DDX59: variants seen among roughly 807,000 people sequenced by gnomAD.
The protein encoded by DDX59 is probable ATP-dependent RNA helicase DDX59.
Under a neutral mutation model 51.9 loss-of-function variants are expected in DDX59, and 30 were observed. The observed-to-expected ratio is 0.58, with a 90% confidence interval of 0.43 to 0.78. The LOEUF is 0.78. Among genes scored for constraint, DDX59 ranks in the 30% least tolerant of loss-of-function variants. The pLI is 0.00. For missense variants in DDX59, 672 were observed against 730.8 expected (o/e 0.92, Z 0.93); for synonymous variants, 255 against 253.3 (o/e 1.01, Z -0.06).
In DDX59 at chr1:200,666,073, T is replaced by C. The variant is rs915073328; in HGVS notation, c.668A>G (p.Tyr223Cys). The change falls in exon 2 of 8, where the codon TAT (tyrosine) becomes TGT (cysteine). Residue 223 changes from tyrosine (Y) to cysteine (C), a missense_variant. Transcript: ENST00000331314. ...VLNHNLKKSG[Y>C]EVPTPIQMQM... Reference sequence around the variant, plus strand: ...CATTTGAATGGGAGTTGGCACCTCATAGCCTGATTTCTTCAAGTTGTGATT... The same window carrying C: ...CATTTGAATGGGAGTTGGCACCTCACAGCCTGATTTCTTCAAGTTGTGATT... The C allele has an allele frequency of 1.6e-5, 26 of 1,614,094 alleles. No individual in the cohort carries two copies. The highest frequency in any genetic ancestry group is 4.0e-5 in the African/African-American group (3 of 74,938).
At position 200,666,601 on chromosome 1, in the gene DDX59, G is replaced by C; in HGVS notation, c.140C>G (p.Thr47Arg). ...GTGCCTGTCTATTGTGGCTGCTTCT[G>C]TAGCTACAGCATCAACGGGAACATC... Reference protein sequence around the residue: ...SRDVPVDAVATEAATIDRHIS... With the variant: ...SRDVPVDAVAREAATIDRHIS... The change falls in exon 2 of 8, where the codon ACA (threonine) becomes AGA (arginine). Residue 47 changes from threonine to arginine, a missense_variant. Physicochemically the swap from Thr to Arg is moderately conservative, Grantham distance 71. Transcript: ENST00000331314. The C allele has an allele frequency of 6.2e-7, 1 of 1,614,202 alleles. No homozygotes were observed. Among genetic ancestry groups the C allele is most frequent in the East Asian group, 2.2e-5 (1 of 44,888 alleles).
chr1:200,650,749 A>G lies in DDX59; in HGVS notation c.1063-73T>C, dbSNP rs906718122. The G allele has an allele frequency of 8.5e-6, 11 of 1,297,722 alleles. No homozygotes were observed. The African/African-American group carries it at 1.3e-4, about 16-fold the overall frequency. 80.4% of individuals were successfully genotyped at this position (1,297,722 alleles called of 1,614,324 possible). A position where few individuals can be genotyped will look rare whatever the true frequency, so the allele number is the denominator to read the frequency against. ...AGAACCACCCCCAAAAAAGACTGAT[A>G]TAATTAACAATATAAAAATTAAAAA... On this transcript the variant is annotated intron_variant, in intron 4 of 7. Coordinates refer to ENST00000331314, the MANE Select transcript of DDX59 (RefSeq NM_001031725.6).
At chr1:200,641,362 T>A, downstream of DDX59, 2 of 400,922 alleles carry the variant, frequency 5.0e-6, no homozygotes, top group Non-Finnish European at 8.4e-6. Context: ...TATGTGGCAA[T>A]GATCTTTGTA....
intron 3 of DDX59, 86 bp downstream of exon 3, chr1:200,663,833 T>C: frequency 7.5e-7 from 1 of 1,333,184 alleles, no homozygotes; most frequent in Non-Finnish European, 9.8e-7. Context: ...ATCATACTTT[T>C]AAAAATTCTT....
chr1:200,665,872 A>G (rs1662692105), intron 2 of DDX59, 65 bp downstream of exon 2: 1 of 1,485,984 alleles, frequency 6.7e-7, no homozygotes, highest in Non-Finnish European at 9.0e-7. Flanking sequence ...GTTAAAAATG[A>G]AACTTGGTAA....
At chr1:200,659,183 T>A (rs1022714897) in intron 3 of DDX59, 67 bp from the exon 4 acceptor site, 2 of 1,249,828 alleles carry the variant, frequency 1.6e-6, no homozygotes, top group African/African-American at 3.0e-5. Context: ...TCATTCCATA[T>A]TGATTGAGCA....
At chr1:200,643,473 C>T (rs926728959), downstream of DDX59, among the ~76,000 whole-genome samples, 1 of 151,762 alleles carries the variant, frequency 6.6e-6, no homozygotes, top group East Asian at 2.0e-4. Flanking sequence ...GAAACCCCAT[C>T]TCTACTAAAA....
At chr1:200,662,055 T>C (rs918757410) in intron 3 of DDX59, among the ~76,000 whole-genome samples, 1 of 152,214 alleles carries the variant, frequency 6.6e-6, no homozygotes, top group Non-Finnish European at 1.5e-5. Context: ...CCTTCTGCCA[T>C]GATTGGAAGC....
intron 7 of DDX59, among the ~76,000 whole-genome samples, chr1:200,646,897 T>TA (rs1661327900): frequency 6.6e-6 from 1 of 152,208 alleles, no homozygotes; most frequent in Admixed American, 6.5e-5. Context: ...ATCTACACGA[T>TA]AAATTTTTTT....
At chr1:200,667,418 T>C (rs928926977) in intron 1 of DDX59, among the ~76,000 whole-genome samples, 5 of 152,136 alleles carry the variant, frequency 3.3e-5, no homozygotes, top group Non-Finnish European at 4.4e-5. Flanking sequence ...CTGAAAGGAA[T>C]AGTGAGGACA....
At chr1:200,661,941 C>T (rs1370735869) in intron 3 of DDX59, among the ~76,000 whole-genome samples, 1 of 152,148 alleles carries the variant, frequency 6.6e-6, no homozygotes, top group Non-Finnish European at 1.5e-5. Context: ...GTGCTGTCAT[C>T]ATGATAGTTC....
chr1:200,655,432 T>C (rs1373422605), intron 4 of DDX59, among the ~76,000 whole-genome samples: 1 of 152,150 alleles, frequency 6.6e-6, no homozygotes, highest in Non-Finnish European at 1.5e-5. Flanking sequence ...CGCAGCAGGG[T>C]AACCTCTTAA....
At chr1:200,656,905 CAA>C (rs1461574952) in intron 4 of DDX59, among the ~76,000 whole-genome samples, 1 of 151,846 alleles carries the variant, frequency 6.6e-6, no homozygotes, top group Non-Finnish European at 1.5e-5. Context: ...ATTTTAAAAA[CAA>C]AGAGAGAAAT....
In DDX59 at chr1:200,666,101, A is replaced by G; in HGVS notation, c.640T>C (p.Leu214=). The G allele has an allele frequency of 6.2e-7, 1 of 1,614,236 alleles. No homozygotes were observed. The highest frequency in any genetic ancestry group is 8.5e-7 in the Non-Finnish European group (1 of 1,180,044). ...DFEHCSLPEV[L]NHNLKKSGYE... Reference sequence around the variant, plus strand: ...CCTGATTTCTTCAAGTTGTGATTTAAGACCTCAGGGAGACTACAATGTTCA... The same window carrying G: ...CCTGATTTCTTCAAGTTGTGATTTAGGACCTCAGGGAGACTACAATGTTCA... Residue 214 remains leucine, a synonymous_variant, in exon 2 of 8, where the codon TTA becomes CTA. Coordinates refer to ENST00000331314, the MANE Select transcript of DDX59 (RefSeq NM_001031725.6).
At chr1:200,668,668 TC>T (rs1466208578) in intron 1 of DDX59, among the ~76,000 whole-genome samples, 3 of 152,174 alleles carry the variant, frequency 2.0e-5, no homozygotes, top group African/African-American at 7.2e-5. Flanking sequence ...TGGTGAGAAT[TC>T]CCATCTCCCC....
At chr1:200,652,667 AT>A (rs10590500) in intron 4 of DDX59, among the ~76,000 whole-genome samples, 12,433 of 117,006 alleles carry the variant, frequency 0.11, 720 homozygotes, top group East Asian at 0.36. Context: ...CATAAAAAGC[AT>A]TTTTTTTTTT....
intron 5 of DDX59, among the ~76,000 whole-genome samples, chr1:200,649,490 A>C (rs1298929453): frequency 6.6e-6 from 1 of 151,850 alleles, no homozygotes; most frequent in East Asian, 1.9e-4. Flanking sequence ...TTAGCCACGC[A>C]TGGTGGCAGG....
At chr1:200,667,806 A>T (rs946246715) in intron 1 of DDX59, among the ~76,000 whole-genome samples, 1 of 151,456 alleles carries the variant, frequency 6.6e-6, no homozygotes, top group Non-Finnish European at 1.5e-5. Flanking sequence ...AGCATTGCCT[A>T]ATATATATAT....
intron 1 of DDX59, among the ~76,000 whole-genome samples, chr1:200,668,081 G>A (rs113773112): frequency 6.6e-5 from 10 of 151,936 alleles, no homozygotes; most frequent in African/African-American, 2.4e-4. Flanking sequence ...GGCGGATCAC[G>A]AGGTCAGGAG....
Sources: allele counts gnomAD v4.1 joint callset (sites outside exome capture counted in the v4.1 genomes callset), GRCh38; gene constraint gnomAD v4.1.1; transcripts MANE v1.5; gene names NCBI Gene and HGNC (gene_info 2026-07-23, HGNC 2026-07-21).